Variants in PDE1A observed in about 807,000 individuals in gnomAD.
The protein encoded by PDE1A is phosphodiesterase 1A.
PDE1A carries 35 observed loss-of-function variants against 61.7 expected under a neutral mutation model. The ratio of observed to expected loss-of-function variants is 0.57; its 90% CI spans 0.43 to 0.75. PDE1A has a LOEUF of 0.75. Among genes scored for constraint, PDE1A ranks in the 30% least tolerant of loss-of-function variants. The pLI, the probability that PDE1A is intolerant of heterozygous loss-of-function variation, is 0.00. For synonymous variants in PDE1A, 232 were observed against 213.2 expected (o/e 1.09, Z -0.77); for missense variants, 597 against 630.6 (o/e 0.95, Z 0.57).
chr2:182,158,514 A>G (rs1691214780), intron 13 of PDE1A, among the ~76,000 whole-genome samples: 1 of 152,208 alleles, frequency 6.6e-6, no homozygotes, highest in African/African-American at 2.4e-5. Flanking sequence ...TAGAAGTCTC[A>G]TCTAAGATGG....
intron 2 of PDE1A, chr2:182,463,682 A>AT (rs1686460723): frequency 6.6e-6 from 1 of 152,194 alleles, no homozygotes; most frequent in Non-Finnish European, 1.5e-5. Context: ...GAACAAGTAC[A>AT]TTTTGCAAGG....
At chr2:182,192,198 T>C (rs961184083) in intron 10 of PDE1A, among the ~76,000 whole-genome samples, 1 of 152,096 alleles carries the variant, frequency 6.6e-6, no homozygotes, top group Admixed American at 6.6e-5. Context: ...AATGGCAACA[T>C]ATTTCCTATA....
chr2:182,634,659 T>A, the PDE1A span, among the ~76,000 whole-genome samples: 1 of 152,188 alleles, frequency 6.6e-6, no homozygotes, highest in African/African-American at 2.4e-5. Flanking sequence ...AATCTTTCTT[T>A]CACATGGGGA....
the PDE1A span, among the ~76,000 whole-genome samples, chr2:182,683,236 CG>C: frequency 6.6e-6 from 1 of 151,632 alleles, no homozygotes. Context: ...GGATTACAGG[CG>C]TGCTGTAATT....
chr2:182,317,224 C>G (rs111265802), intron 1 of PDE1A, among the ~76,000 whole-genome samples: 2,413 of 151,784 alleles, frequency 0.016, 35 homozygotes, highest in South Asian at 0.068. Flanking sequence ...TTTAAGAAAG[C>G]AGATGCTCTT....
At chr2:182,205,110 A>G (rs1052189194) in intron 8 of PDE1A, among the ~76,000 whole-genome samples, 1 of 152,210 alleles carries the variant, frequency 6.6e-6, no homozygotes, top group African/African-American at 2.4e-5. Flanking sequence ...TTTACATTCA[A>G]TTGGAAACCT....
the PDE1A span, among the ~76,000 whole-genome samples, chr2:182,615,955 T>C: frequency 1.3e-5 from 2 of 152,230 alleles, no homozygotes; most frequent in Admixed American, 6.5e-5. Context: ...CTCAACACTG[T>C]TGCCTTGGGG....
chr2:182,523,675 A>G (rs1056119959), upstream of PDE1A, among the ~76,000 whole-genome samples: 1 of 152,200 alleles, frequency 6.6e-6, no homozygotes, highest in Admixed American at 6.5e-5. Flanking sequence ...GTTTCAGACA[A>G]TGTTCTCAGT....
chr2:182,449,095 C>T (rs1476913696), intron 2 of PDE1A, among the ~76,000 whole-genome samples: 1 of 143,004 alleles, frequency 7.0e-6, no homozygotes, highest in Non-Finnish European at 1.5e-5. Context: ...CAAACAAAAC[C>T]CAGGAAATCC....
chr2:182,499,391 T>C (rs1688953358), intron 2 of PDE1A, among the ~76,000 whole-genome samples: 1 of 152,106 alleles, frequency 6.6e-6, no homozygotes, highest in Non-Finnish European at 1.5e-5. Flanking sequence ...TTAGCCATAA[T>C]TTTTGTATTT....
rs191134735 is a variant in PDE1A at position 182,239,044 on chromosome 2, G to C, written c.350+1066C>G. 4.5e-3 allele frequency among the ~76,000 whole-genome samples: 678 copies of C among 152,242 alleles called. 3 individuals are homozygous for C. Among genetic ancestry groups the C allele is most frequent in the South Asian group, 0.026 (124 of 4,824 alleles). ...TTTAGATATTTTTAATTTGATGCTA[G>C]AGAAAAGTCATCTTCTTTAAATTGC... On this transcript the variant is annotated intron_variant, in intron 3 of 13. Transcript: ENST00000351439.
the PDE1A span, among the ~76,000 whole-genome samples, chr2:182,668,522 A>G: frequency 6.6e-6 from 1 of 152,072 alleles, no homozygotes; most frequent in South Asian, 2.1e-4. Context: ...AGTCTCTAGA[A>G]ATGGAGGAAA....
intron 2 of PDE1A, among the ~76,000 whole-genome samples, chr2:182,482,989 G>A (rs1222000323): frequency 6.6e-6 from 1 of 151,902 alleles, no homozygotes; most frequent in East Asian, 1.9e-4. Flanking sequence ...GAAAATAAAA[G>A]GATGGAAAAA....
chr2:182,192,788 G>A (rs1462115904), intron 10 of PDE1A, among the ~76,000 whole-genome samples: 1 of 152,012 alleles, frequency 6.6e-6, no homozygotes, highest in Non-Finnish European at 1.5e-5. Flanking sequence ...ACAATTCCCT[G>A]GAGATCCTTC....
chr2:182,165,456 G>T (rs1468252862), downstream of PDE1A, among the ~76,000 whole-genome samples: 1 of 152,106 alleles, frequency 6.6e-6, no homozygotes, highest in Non-Finnish European at 1.5e-5. Flanking sequence ...GGCTACTAAG[G>T]GCGATTGATT....
chr2:182,418,731 C>CT (rs1206411981), intron 1 of PDE1A, among the ~76,000 whole-genome samples: 1 of 152,134 alleles, frequency 6.6e-6, no homozygotes, highest in Non-Finnish European at 1.5e-5. Context: ...GGCCACGTGG[C>CT]TTTTTTATTG....
intron 2 of PDE1A, among the ~76,000 whole-genome samples, chr2:182,489,694 T>C (rs943144575): frequency 3.9e-5 from 6 of 152,304 alleles, no homozygotes; most frequent in South Asian, 2.1e-4. Flanking sequence ...GGAGTTGTCA[T>C]TGACCTAGAG....
chr2:182,143,860 T>C (rs1455021312), downstream of PDE1A, among the ~76,000 whole-genome samples: 1 of 152,154 alleles, frequency 6.6e-6, no homozygotes, highest in East Asian at 1.9e-4. Context: ...TTTACATCAG[T>C]TGGAATTTCT....
At chr2:182,253,356 G>T (rs1307369172) in intron 2 of PDE1A, among the ~76,000 whole-genome samples, 6 of 152,110 alleles carry the variant, frequency 3.9e-5, no homozygotes, top group Admixed American at 3.9e-4. Flanking sequence ...TTTAAAATCA[G>T]GAAGTCAATG....
Sources: gnomAD v4.1 joint callset for allele counts (sites outside exome capture counted in the v4.1 genomes callset) on GRCh38, gnomAD v4.1.1 for gene constraint, MANE v1.5 for transcripts, NCBI Gene and HGNC (gene_info 2026-07-23, HGNC 2026-07-21) for gene names.